Variants in RNF144A observed in about 807,000 individuals in gnomAD.
The protein encoded by RNF144A is ring finger protein 144A.
RNF144A carries 11 observed loss-of-function variants against 38.7 expected under a neutral mutation model. The ratio of observed to expected loss-of-function variants is 0.28; its 90% confidence interval spans 0.18 to 0.47. The LOEUF (loss-of-function observed/expected upper bound fraction) is 0.47. Among genes scored for constraint, RNF144A ranks in the 20% least tolerant of loss-of-function variants. The probability of loss-of-function intolerance (pLI) is 0.99; values close to 1 mark genes in which losing one functional copy is unlikely to be tolerated. For missense variants in RNF144A, 316 were observed against 377.2 expected (o/e 0.84, Z 1.34); for synonymous variants, 149 against 143.9 (o/e 1.04, Z -0.25).
intron 6 of RNF144A, among the ~76,000 whole-genome samples, chr2:7,056,595 C>T (rs1673748575): frequency 6.6e-6 from 1 of 152,182 alleles, no homozygotes. Flanking sequence ...AGTTATGGTT[C>T]CTGCAGCACT....
intron 1 of RNF144A, among the ~76,000 whole-genome samples, chr2:6,939,753 T>A (rs1665843565): frequency 6.6e-6 from 1 of 152,164 alleles, no homozygotes; most frequent in South Asian, 2.1e-4. Context: ...TTGTGAAAGG[T>A]TTAAGGTCTG....
chr2:7,072,040 T>C (rs954313958), downstream of RNF144A, among the ~76,000 whole-genome samples: 5 of 152,218 alleles, frequency 3.3e-5, no homozygotes, highest in African/African-American at 1.2e-4. Context: ...TACTGACTTT[T>C]TTGTCATGTC....
chr2:6,981,970 C>T (rs557215630), intron 2 of RNF144A, among the ~76,000 whole-genome samples: 101 of 152,280 alleles, frequency 6.6e-4, no homozygotes, highest in African/African-American at 2.3e-3. Flanking sequence ...GAAGCAGACA[C>T]CTTCTTCACA....
At chr2:7,056,285 A>G (rs1673735058) in intron 6 of RNF144A, among the ~76,000 whole-genome samples, 1 of 152,108 alleles carries the variant, frequency 6.6e-6, no homozygotes, top group Non-Finnish European at 1.5e-5. Flanking sequence ...GCTTCCTGTC[A>G]TCCCACACCC....
rs577023379 is a variant in RNF144A at position 6,931,098 on chromosome 2, A to G, written c.-211-9850A>G. Among the ~76,000 whole-genome samples the G allele has an allele frequency of 2.6e-5, 4 of 152,302 alleles. No homozygotes were observed. In the East Asian group the frequency reaches 5.8e-4, roughly 22 times the overall value. ...CTGCAGGTCTGACTGAGTACTGTTC[A>G]TGTCAGAACTGGGACAGTGTGCCCG... On this transcript the variant is annotated intron_variant, in intron 1 of 8. Transcript: ENST00000320892.
intron 6 of RNF144A, among the ~76,000 whole-genome samples, chr2:7,059,115 A>T (rs1330909482): frequency 6.6e-6 from 1 of 152,128 alleles, no homozygotes; most frequent in Non-Finnish European, 1.5e-5. Context: ...TGGGAGGCTG[A>T]GGCGGGCAGA....
At chr2:7,000,786 T>C (rs1670043556) in intron 3 of RNF144A, among the ~76,000 whole-genome samples, 1 of 151,878 alleles carries the variant, frequency 6.6e-6, no homozygotes, top group Non-Finnish European at 1.5e-5. Flanking sequence ...TGAAAGTTAT[T>C]TTTTAATGAT....
At chr2:6,954,424 TCCA>T (rs886957008) in intron 2 of RNF144A, among the ~76,000 whole-genome samples, 6 of 152,264 alleles carry the variant, frequency 3.9e-5, no homozygotes, top group Non-Finnish European at 8.8e-5. Context: ...AATTCTGTAG[TCCA>T]CTTACAGGTT....
At position 6,945,429 on chromosome 2, in the gene RNF144A, C is replaced by T. The variant is rs541614784; in HGVS notation, c.-12+4282C>T. ...GTTTTTCAGACTTTGGGCCATTTTC[C>T]TCCATATTCTGTGCTCTAGGCTATG... On this transcript the variant is annotated intron_variant, in intron 2 of 8. Coordinates refer to ENST00000320892, the MANE Select transcript of RNF144A (RefSeq NM_014746.6). Among the ~76,000 whole-genome samples, 18 of 152,278 alleles carry T rather than the reference C, an allele frequency of 1.2e-4. No individual in the cohort carries two copies. The South Asian group carries it at 2.5e-3, about 21-fold the overall frequency.
In RNF144A at chr2:7,040,744, C is replaced by T; in HGVS notation, c.*984C>T. The T allele has an allele frequency of 5.1e-6, 5 of 985,452 alleles. No homozygotes were observed. Among genetic ancestry groups the T allele is most frequent in the Non-Finnish European group, 6.0e-6 (5 of 829,906 alleles). The allele number at this position is 985,452 out of a possible 1,614,324, so 61.0% of individuals were successfully genotyped here. On this transcript the variant is annotated 3_prime_UTR_variant, in exon 9 of 9. Coordinates refer to ENST00000320892, the MANE Select transcript of RNF144A (RefSeq NM_014746.6). ...ATCCGCAGATGTAGGGGCCTCTTGG[C>T]AGAGGCTGGAGGACTCTGGGGGCTA... is the stretch of plus-strand genomic sequence containing the variant.
chr2:7,076,251 G>A, the RNF144A span, among the ~76,000 whole-genome samples: 3 of 152,148 alleles, frequency 2.0e-5, no homozygotes, highest in South Asian at 6.2e-4. Context: ...CAATATAATT[G>A]ATTTCTATTT....
intron 3 of RNF144A, among the ~76,000 whole-genome samples, chr2:7,007,333 A>G (rs941373777): frequency 6.6e-6 from 1 of 152,250 alleles, no homozygotes; most frequent in African/African-American, 2.4e-5. Context: ...TTCCCAACAG[A>G]GGCTGAATTA....
In RNF144A at chr2:7,043,949, G is replaced by T. The variant is rs557628473; in HGVS notation, c.*4189G>T. ...AACAAAATCAAAACAGATTTGATTTGTGTTTTTGAAATGTCAGTACATTTT... is the reference window on the plus strand; with the variant it reads ...AACAAAATCAAAACAGATTTGATTTTTGTTTTTGAAATGTCAGTACATTTT... On this transcript the variant is annotated 3_prime_UTR_variant, in exon 9 of 9. Coordinates refer to ENST00000320892, the MANE Select transcript of RNF144A (RefSeq NM_014746.6). 1 of 985,840 alleles carries T rather than the reference G, an allele frequency of 1.0e-6. No homozygotes were observed. The highest frequency in any genetic ancestry group is 1.2e-6 in the Non-Finnish European group (1 of 829,918). The allele number at this position is 985,840 out of a possible 1,614,324, so 61.1% of individuals were successfully genotyped here.
chr2:7,053,145 A>C (rs773669702), intron 6 of RNF144A, among the ~76,000 whole-genome samples: 14 of 152,162 alleles, frequency 9.2e-5, no homozygotes, highest in Non-Finnish European at 1.6e-4. Flanking sequence ...TAAGAGTTGG[A>C]AGGAATCGCA....
intron 2 of RNF144A, among the ~76,000 whole-genome samples, chr2:6,977,419 CAA>C (rs1345775798): frequency 6.6e-6 from 1 of 152,234 alleles, no homozygotes; most frequent in Non-Finnish European, 1.5e-5. Flanking sequence ...TCATTGGGAT[CAA>C]ATCAACACTG....
At chr2:6,990,601 A>ACG (rs1669300883) in intron 2 of RNF144A, among the ~76,000 whole-genome samples, 1 of 151,474 alleles carries the variant, frequency 6.6e-6, no homozygotes, top group South Asian at 2.1e-4. Context: ...ACACACACAC[A>ACG]CAGATATATA....
At chr2:7,051,408 G>T (rs879881069) in intron 6 of RNF144A, among the ~76,000 whole-genome samples, 1 of 152,154 alleles carries the variant, frequency 6.6e-6, no homozygotes, top group African/African-American at 2.4e-5. Context: ...GAGGATTTCA[G>T]GTTAAGGTTG....
At chr2:7,025,213 A>G (rs1351414737) in intron 7 of RNF144A, among the ~76,000 whole-genome samples, 3 of 152,158 alleles carry the variant, frequency 2.0e-5, no homozygotes, top group Non-Finnish European at 4.4e-5. Context: ...GGAGGGCACA[A>G]TCTCCCAGGC....
intron 1 of RNF144A, among the ~76,000 whole-genome samples, chr2:6,924,463 G>A (rs1313642650): frequency 1.3e-5 from 2 of 152,250 alleles, no homozygotes; most frequent in Non-Finnish European, 2.9e-5. Context: ...TTGTGGAAAT[G>A]GGACTCAGCA....
Sources: gnomAD v4.1 joint callset for allele counts (sites outside exome capture counted in the v4.1 genomes callset) on GRCh38, gnomAD v4.1.1 for gene constraint, MANE v1.5 for transcripts, NCBI Gene and HGNC (gene_info 2026-07-23, HGNC 2026-07-21) for gene names.